The following GABRB1 variants were observed in gnomAD, a reference collection of about 807,000 sequenced individuals.
GABRB1 encodes the protein gamma-aminobutyric acid receptor subunit beta-1.
GABRB1 carries 17 observed loss-of-function variants against 51.6 expected under a neutral mutation model. That is an observed-to-expected ratio of 0.33 (90% CI 0.23 to 0.49). GABRB1 has a LOEUF of 0.49. GABRB1 is among the 20% of genes least tolerant of loss of function. The pLI, the probability that GABRB1 is intolerant of heterozygous loss-of-function variation, is 0.99. For missense variants in GABRB1, 410 were observed against 600.6 expected (o/e 0.68, Z 3.32); for synonymous variants, 247 against 218.9 (o/e 1.13, Z -1.14).
intron 4 of GABRB1, among the ~76,000 whole-genome samples, chr4:47,210,588 C>A (rs145620593): frequency 1.3e-5 from 2 of 152,158 alleles, no homozygotes; most frequent in African/African-American, 2.4e-5. Context: ...TTAATTTTAA[C>A]AATTTCTGAA....
chr4:47,384,673 G>A (rs998106086), intron 5 of GABRB1, among the ~76,000 whole-genome samples: 11 of 152,202 alleles, frequency 7.2e-5, no homozygotes, highest in East Asian at 1.9e-4. Flanking sequence ...AGTGCAGTAA[G>A]GTTAAAGTAG....
intron 1 of GABRB1, among the ~76,000 whole-genome samples, chr4:47,023,009 C>A (rs1224843166): frequency 1.3e-5 from 2 of 151,944 alleles, no homozygotes; most frequent in Non-Finnish European, 2.9e-5. Flanking sequence ...AGAATGAGAG[C>A]CAATCATTTG....
At chr4:47,371,607 T>C (rs147163557) in intron 5 of GABRB1, among the ~76,000 whole-genome samples, 1,741 of 152,306 alleles carry the variant, frequency 0.011, 34 homozygotes, top group African/African-American at 0.039. Context: ...CTGTTGTTTC[T>C]TGACTTTTTA....
chr4:47,261,151 G>T (rs949195042), intron 4 of GABRB1, among the ~76,000 whole-genome samples: 1 of 152,180 alleles, frequency 6.6e-6, no homozygotes, highest in Non-Finnish European at 1.5e-5. Flanking sequence ...AGACAGGGAT[G>T]CCCTCTCTCA....
intron 5 of GABRB1, among the ~76,000 whole-genome samples, chr4:47,336,293 A>G (rs1270114168): frequency 6.6e-6 from 1 of 152,212 alleles, no homozygotes; most frequent in Non-Finnish European, 1.5e-5. Context: ...TAATTAGTAT[A>G]CCTCAAGAAG....
chr4:47,277,139 A>T (rs1723113031), intron 4 of GABRB1, among the ~76,000 whole-genome samples: 1 of 152,152 alleles, frequency 6.6e-6, no homozygotes, highest in African/African-American at 2.4e-5. Flanking sequence ...TACACTTGAG[A>T]CTTGTAACCA....
intron 4 of GABRB1, among the ~76,000 whole-genome samples, chr4:47,294,743 GA>G (rs1723899522): frequency 6.6e-6 from 1 of 152,370 alleles, no homozygotes; most frequent in South Asian, 2.1e-4. Flanking sequence ...TGACAGCTTT[GA>G]AGGGAGCAGT....
At chr4:47,161,158 A>T in intron 3 of GABRB1, 91 bp from the exon 4 acceptor site, 1 of 861,590 alleles carries the variant, frequency 1.2e-6, no homozygotes, top group East Asian at 2.5e-5. Context: ...ATTCAAATGT[A>T]ATCTCTTACA....
upstream of GABRB1, among the ~76,000 whole-genome samples, chr4:47,027,908 T>C (rs946663831): frequency 2.0e-5 from 3 of 151,654 alleles, no homozygotes; most frequent in African/African-American, 7.2e-5. Context: ...CACCAATACA[T>C]GCATCCAATA....
intron 4 of GABRB1, among the ~76,000 whole-genome samples, chr4:47,255,301 C>T (rs1028726557): frequency 3.3e-5 from 5 of 152,172 alleles, no homozygotes; most frequent in Non-Finnish European, 5.9e-5. Context: ...CAAATTTTCA[C>T]GAGAAATCTG....
intron 4 of GABRB1, among the ~76,000 whole-genome samples, chr4:47,280,406 A>G (rs1723244369): frequency 6.6e-6 from 1 of 151,412 alleles, no homozygotes; most frequent in Admixed American, 6.6e-5. Context: ...TATACTAGAG[A>G]TATAATTGAT....
intron 3 of GABRB1, among the ~76,000 whole-genome samples, chr4:47,077,696 C>T (rs923585019): frequency 6.6e-6 from 1 of 151,092 alleles, no homozygotes; most frequent in Admixed American, 6.6e-5. Flanking sequence ...TTAGGGAAAC[C>T]ATATGAGATA....
At chr4:47,117,738 T>C (rs1715567800) in intron 3 of GABRB1, among the ~76,000 whole-genome samples, 1 of 152,206 alleles carries the variant, frequency 6.6e-6, no homozygotes, top group Non-Finnish European at 1.5e-5. Context: ...AATATCTTTT[T>C]ATATAATAAA....
chr4:47,273,623 T>C (rs1316876200), intron 4 of GABRB1, among the ~76,000 whole-genome samples: 2 of 152,078 alleles, frequency 1.3e-5, no homozygotes, highest in Non-Finnish European at 2.9e-5. Context: ...TCATGGGCTG[T>C]ACTAGGCTGT....
At chr4:47,361,772 A>G (rs1005273393) in intron 5 of GABRB1, among the ~76,000 whole-genome samples, 1 of 152,178 alleles carries the variant, frequency 6.6e-6, no homozygotes, top group Admixed American at 6.6e-5. Flanking sequence ...AAGTTTCTGA[A>G]TGGTGCAACT....
At chr4:47,332,004 T>C (rs550165862) in intron 5 of GABRB1, among the ~76,000 whole-genome samples, 42 of 152,234 alleles carry the variant, frequency 2.8e-4, no homozygotes, top group Middle Eastern at 3.4e-3. Context: ...TAGGTGTGAG[T>C]TGGGTGGTTT....
chr4:47,150,175 C>G (rs1384440066), intron 3 of GABRB1, among the ~76,000 whole-genome samples: 2 of 116,318 alleles, frequency 1.7e-5, no homozygotes, highest in Middle Eastern at 8.0e-3. Context: ...TATACACACA[C>G]ACACACAACA....
chr4:47,018,382 A>G (rs1724810973), intron 1 of GABRB1, among the ~76,000 whole-genome samples: 1 of 152,040 alleles, frequency 6.6e-6, no homozygotes, highest in Non-Finnish European at 1.5e-5. Context: ...TAATCACCTT[A>G]CATCTAGTCA....
At chr4:47,093,900 A>G (rs568215171) in intron 3 of GABRB1, among the ~76,000 whole-genome samples, 9 of 152,296 alleles carry the variant, frequency 5.9e-5, no homozygotes, top group Admixed American at 1.3e-4. Context: ...CTTTGTATAG[A>G]CTTATCCCAA....
Sources: gnomAD v4.1 joint callset for allele counts (sites outside exome capture counted in the v4.1 genomes callset) on GRCh38, gnomAD v4.1.1 for gene constraint, MANE v1.5 for transcripts, NCBI Gene and HGNC (gene_info 2026-07-23, HGNC 2026-07-21) for gene names.